Variants in SLC66A3 observed in about 807,000 individuals in gnomAD.
The protein encoded by SLC66A3 is solute carrier family 66 member 3.
A neutral mutation model predicts 25.5 loss-of-function variants in SLC66A3; 23 were observed. The observed-to-expected ratio is 0.90, with a 90% CI of 0.65 to 1.28. SLC66A3 has a LOEUF of 1.28. SLC66A3 is among the 50% of genes most tolerant of loss of function. SLC66A3 has a pLI of 0.00. For synonymous variants in SLC66A3, 108 were observed against 112.6 expected (o/e 0.96, Z 0.26); for missense variants, 246 against 262.1 (o/e 0.94, Z 0.42).
In SLC66A3 at chr2:11,156,569, C is replaced by T. The variant is rs544295506; in HGVS notation, c.143+880C>T. The stretch of plus-strand genomic sequence containing the variant: ...GTGCGGCATACAGGATGGGAAGAAG[C>T]CAAGGGGTGCGGGGGAGAAAGAGGA... On this transcript the variant is annotated intron_variant, in intron 1 of 6. Transcript: ENST00000295083. Among the ~76,000 whole-genome samples the T allele has an allele frequency of 1.1e-4, 16 of 151,952 alleles. No individual in the cohort carries two copies. The South Asian group carries it at 3.3e-3, about 32-fold the overall frequency.
intron 4 of SLC66A3, among the ~76,000 whole-genome samples, chr2:11,167,585 TTC>T (rs1662388309): frequency 6.6e-6 from 1 of 152,250 alleles, no homozygotes; most frequent in Non-Finnish European, 1.5e-5. Context: ...ATAATTTTGA[TTC>T]TTTCCTTTAT....
chr2:11,162,300 G>T (rs1334998084), intron 3 of SLC66A3, among the ~76,000 whole-genome samples: 1 of 152,220 alleles, frequency 6.6e-6, no homozygotes, highest in Non-Finnish European at 1.5e-5. Flanking sequence ...AAGAGGGATC[G>T]CACAGCTGTA....
chr2:11,155,788 C>A (rs901937262), intron 1 of SLC66A3, 99 bp downstream of exon 1: 1 of 1,161,458 alleles, frequency 8.6e-7, no homozygotes, highest in Admixed American at 4.2e-5. Context: ...CGGGGATGAT[C>A]CCCGCGCGCC....
chr2:11,176,771 G>T (rs911630036), intron 6 of SLC66A3, among the ~76,000 whole-genome samples: 1 of 149,802 alleles, frequency 6.7e-6, no homozygotes, highest in Non-Finnish European at 1.5e-5. Context: ...CTCGTGATCC[G>T]CCCGCCTCGG....
intron 6 of SLC66A3, among the ~76,000 whole-genome samples, chr2:11,176,820 G>A (rs930895709): frequency 4.6e-5 from 7 of 152,220 alleles, no homozygotes; most frequent in Admixed American, 2.0e-4. Flanking sequence ...GAGCCACCGC[G>A]CCCGGCCAGG....
intron 1 of SLC66A3, among the ~76,000 whole-genome samples, chr2:11,159,095 C>A (rs1313548551): frequency 6.6e-6 from 1 of 152,348 alleles, no homozygotes; most frequent in East Asian, 1.9e-4. Flanking sequence ...GCTCTGACAT[C>A]CCCAGGTTCT....
chr2:11,165,611 G>A (rs1480929247), intron 4 of SLC66A3, among the ~76,000 whole-genome samples: 6 of 152,338 alleles, frequency 3.9e-5, no homozygotes, highest in Admixed American at 2.0e-4. Flanking sequence ...TCCCAGACGG[G>A]GTGTCGGCCG....
At chr2:11,164,748 C>G (rs894746707) in intron 4 of SLC66A3, among the ~76,000 whole-genome samples, 1 of 151,706 alleles carries the variant, frequency 6.6e-6, no homozygotes, top group African/African-American at 2.4e-5. Context: ...TCTTAACGAG[C>G]CTGCTGCCTT....
intron 4 of SLC66A3, among the ~76,000 whole-genome samples, chr2:11,169,530 C>T (rs560447173): frequency 2.2e-4 from 33 of 152,268 alleles, no homozygotes; most frequent in South Asian, 4.1e-4. Flanking sequence ...CACTGCCCAC[C>T]GGGCTTCCAG....
chr2:11,174,697 T>TC (rs1662675011), intron 5 of SLC66A3, among the ~76,000 whole-genome samples: 6 of 151,740 alleles, frequency 4.0e-5, no homozygotes, highest in Admixed American at 2.6e-4. Flanking sequence ...GACAGGGTTT[T>TC]GCCATGTTGG....
chr2:11,166,353 A>G (rs944312128), intron 4 of SLC66A3, among the ~76,000 whole-genome samples: 1 of 152,162 alleles, frequency 6.6e-6, no homozygotes, highest in South Asian at 2.1e-4. Context: ...GACCTCTCCA[A>G]GGTGACAGAA....
At chr2:11,158,977 A>T (rs988355994) in intron 1 of SLC66A3, among the ~76,000 whole-genome samples, 2 of 152,186 alleles carry the variant, frequency 1.3e-5, no homozygotes, top group Admixed American at 1.3e-4. Flanking sequence ...GCCTCGGGAA[A>T]TCCAGGCTCT....
intron 4 of SLC66A3, among the ~76,000 whole-genome samples, chr2:11,171,286 C>A (rs1200799286): frequency 1.3e-5 from 2 of 152,130 alleles, no homozygotes; most frequent in African/African-American, 2.4e-5. Context: ...CCACTGCACT[C>A]CAGTCTGGGC....
chr2:11,156,356 A>G (rs1314766853), intron 1 of SLC66A3, among the ~76,000 whole-genome samples: 1 of 152,180 alleles, frequency 6.6e-6, no homozygotes, highest in Non-Finnish European at 1.5e-5. Context: ...AGTATTCATC[A>G]TGCCAGAGCG....
At chr2:11,165,194 G>T (rs1468068932) in intron 4 of SLC66A3, among the ~76,000 whole-genome samples, 1 of 151,590 alleles carries the variant, frequency 6.6e-6, no homozygotes, top group Non-Finnish European at 1.5e-5. Context: ...CAGGGCGGCT[G>T]CCGGGCGGAG....
At chr2:11,168,087 T>C (rs551100723) in intron 4 of SLC66A3, among the ~76,000 whole-genome samples, 5 of 152,262 alleles carry the variant, frequency 3.3e-5, no homozygotes, top group East Asian at 1.9e-4. Context: ...AAGACCATCC[T>C]GGCTAACACG....
chr2:11,168,468 A>G (rs567255779), intron 4 of SLC66A3, among the ~76,000 whole-genome samples: 83 of 152,288 alleles, frequency 5.5e-4, no homozygotes, highest in African/African-American at 1.8e-3. Context: ...TTGTTCCTGA[A>G]AGATGAATCT....
rs1439861117 is a variant in SLC66A3 at position 11,178,486 on chromosome 2, A to G, written c.*658A>G. 6.6e-6 allele frequency: 1 copy of G among 152,632 alleles called. No individual in the cohort carries two copies. Among genetic ancestry groups the G allele is most frequent in the Non-Finnish European group, 1.5e-5 (1 of 68,038 alleles). 9.5% of individuals were successfully genotyped at this position (152,632 alleles called of 1,614,324 possible). A position where few individuals can be genotyped will look rare whatever the true frequency, so the allele number is the denominator to read the frequency against. Reference sequence around the variant, plus strand: ...GGTACTAGGATTAGCTGCAATCTCTACTTTCGATGAGGAAATCCCAGTAAG... The same window carrying G: ...GGTACTAGGATTAGCTGCAATCTCTGCTTTCGATGAGGAAATCCCAGTAAG... On this transcript the variant is annotated 3_prime_UTR_variant, in exon 7 of 7. Coordinates refer to ENST00000295083, the MANE Select transcript of SLC66A3 (RefSeq NM_152391.5).
intron 4 of SLC66A3, among the ~76,000 whole-genome samples, chr2:11,164,774 C>G (rs555146787): frequency 6.6e-6 from 1 of 152,008 alleles, no homozygotes; most frequent in Non-Finnish European, 1.5e-5. Flanking sequence ...ATCTGTTTAA[C>G]AAAGCACATC....
Sources: allele counts gnomAD v4.1 joint callset (sites outside exome capture counted in the v4.1 genomes callset), GRCh38; gene constraint gnomAD v4.1.1; transcripts MANE v1.5; gene names NCBI Gene and HGNC (gene_info 2026-07-23, HGNC 2026-07-21).